The following NRG2 variants were observed in gnomAD, a reference collection of about 807,000 sequenced individuals.
NRG2 encodes the protein neuregulin 2.
In NRG2, 27 loss-of-function variants were observed where a neutral mutation model predicts 73.9. The observed-to-expected ratio is 0.37, with a 90% CI of 0.27 to 0.50. The LOEUF is 0.50. NRG2 is among the 20% of genes least tolerant of loss of function. The pLI is 0.96. For missense variants in NRG2, 1,126 were observed against 1,210.1 expected (o/e 0.93, Z 1.03); for synonymous variants, 532 against 541.0 (o/e 0.98, Z 0.23).
chr5:139,901,214 G>A (rs1764870235), intron 1 of NRG2, among the ~76,000 whole-genome samples: 1 of 152,232 alleles, frequency 6.6e-6, no homozygotes, highest in Non-Finnish European at 1.5e-5. Flanking sequence ...CTGGGACCTG[G>A]GATGAAGACT....
chr5:139,897,046 C>T (rs541872690), intron 1 of NRG2, among the ~76,000 whole-genome samples: 6 of 152,264 alleles, frequency 3.9e-5, no homozygotes, highest in African/African-American at 7.2e-5. Context: ...ACCAAATCAC[C>T]GATTGCTCCC....
chr5:139,874,974 C>G (rs1431294998), intron 3 of NRG2, among the ~76,000 whole-genome samples: 2 of 152,226 alleles, frequency 1.3e-5, no homozygotes, highest in African/African-American at 4.8e-5. Context: ...CTACTTATAG[C>G]TATTCTAGCA....
At chr5:139,986,023 C>T (rs1757149091) in intron 1 of NRG2, among the ~76,000 whole-genome samples, 1 of 152,148 alleles carries the variant, frequency 6.6e-6, no homozygotes, top group Non-Finnish European at 1.5e-5. Context: ...ACAGCAGGGT[C>T]TGGACATAGG....
At chr5:140,000,030 T>C (rs1007117941) in intron 1 of NRG2, among the ~76,000 whole-genome samples, 2 of 152,202 alleles carry the variant, frequency 1.3e-5, no homozygotes, top group African/African-American at 4.8e-5. Flanking sequence ...CTACAATGAA[T>C]GTGTAATACT....
intron 1 of NRG2, among the ~76,000 whole-genome samples, chr5:139,979,954 T>A (rs1271514081): frequency 2.0e-4 from 31 of 152,328 alleles, no homozygotes; most frequent in Admixed American, 1.8e-3. Context: ...TAAGAGGCCA[T>A]GTGTGAAAAT....
Position 140,027,939 on chromosome 5 carries a change from C to G in NRG2, c.700+14431G>C, listed in dbSNP as rs149613103. 1.4e-4 allele frequency among the ~76,000 whole-genome samples: 22 copies of G among 152,296 alleles called. No individual in the cohort carries two copies. In the East Asian group the frequency reaches 3.9e-3, roughly 27 times the overall value. ...AACCAGGAGCCACAGGGTAGAACAA[C>G]AAACAGTGAAGAATCATTCCCAGGC... On this transcript the variant is annotated intron_variant, in intron 1 of 9. Coordinates refer to ENST00000361474, the MANE Select transcript of NRG2 (RefSeq NM_004883.3).
At chr5:139,905,683 TGG>T (rs11301435) in intron 1 of NRG2, among the ~76,000 whole-genome samples, 4 of 82,630 alleles carry the variant, frequency 4.8e-5, no homozygotes, top group African/African-American at 1.2e-4. Flanking sequence ...CCAGCTCTGG[TGG>T]GGGGGGGGCA....
intron 1 of NRG2, among the ~76,000 whole-genome samples, chr5:139,969,518 T>G (rs1755820086): frequency 6.6e-6 from 1 of 152,244 alleles, no homozygotes; most frequent in African/African-American, 2.4e-5. Context: ...AGGCAGGATC[T>G]CTAGTTTGGC....
intron 1 of NRG2, among the ~76,000 whole-genome samples, chr5:139,916,136 G>A (rs76178519): frequency 0.066 from 10,083 of 152,252 alleles, 388 homozygotes; most frequent in Middle Eastern, 0.12. Flanking sequence ...TAACAATGGG[G>A]TGTAGCCTGC....
At chr5:140,023,924 A>G (rs921268822) in intron 1 of NRG2, among the ~76,000 whole-genome samples, 6 of 152,214 alleles carry the variant, frequency 3.9e-5, no homozygotes, top group African/African-American at 1.4e-4. Context: ...AAGCAGGCCA[A>G]GTCTTCTATC....
chr5:139,960,180 G>A (rs1472740699), intron 1 of NRG2, among the ~76,000 whole-genome samples: 2 of 152,226 alleles, frequency 1.3e-5, no homozygotes, highest in Non-Finnish European at 2.9e-5. Context: ...GGAGTCTGAT[G>A]TAGGTATGGT....
chr5:139,856,938 G>T lies in NRG2; in HGVS notation c.1190-1160C>A, dbSNP rs1037264995. Among the ~76,000 whole-genome samples the T allele has an allele frequency of 6.6e-6, 1 of 152,100 alleles. No individual in the cohort carries two copies. Among genetic ancestry groups the T allele is most frequent in the Non-Finnish European group, 1.5e-5 (1 of 67,996 alleles). On this transcript the variant is annotated intron_variant, in intron 5 of 9. Coordinates refer to ENST00000361474, the MANE Select transcript of NRG2 (RefSeq NM_004883.3). The surrounding 1 kb of genome is among the most constrained non-coding windows in gnomAD (Gnocchi z 4.2). Reference sequence around the variant, plus strand: ...CCTCCACCCTAGGTCCCCATCTCTTGGCTCTGTGCCCACAGCCCTGGCTCC... The same window carrying T: ...CCTCCACCCTAGGTCCCCATCTCTTTGCTCTGTGCCCACAGCCCTGGCTCC...
chr5:139,897,197 T>C (rs1213523907), intron 1 of NRG2, among the ~76,000 whole-genome samples: 2 of 152,242 alleles, frequency 1.3e-5, no homozygotes, highest in Admixed American at 6.5e-5. Context: ...CTGTGCATTC[T>C]GGCTCTGCCC....
chr5:140,018,407 C>A (rs371031655), intron 1 of NRG2, among the ~76,000 whole-genome samples: 1 of 152,164 alleles, frequency 6.6e-6, no homozygotes, highest in African/African-American at 2.4e-5. Context: ...ACCACTCCTT[C>A]GTATGGTAAC....
chr5:139,916,989 C>A (rs184849163), intron 1 of NRG2, among the ~76,000 whole-genome samples: 128 of 152,276 alleles, frequency 8.4e-4, no homozygotes, highest in African/African-American at 3.0e-3. Context: ...TGAGGAACTG[C>A]CAGATCGTTT....
intron 4 of NRG2, among the ~76,000 whole-genome samples, chr5:139,866,144 C>T (rs1762454110): frequency 6.6e-6 from 1 of 152,174 alleles, no homozygotes; most frequent in Non-Finnish European, 1.5e-5. Flanking sequence ...ATGCTGTTCC[C>T]AGACTGTGTA....
intron 1 of NRG2, among the ~76,000 whole-genome samples, chr5:139,932,338 G>A (rs538759673): frequency 2.0e-5 from 3 of 151,906 alleles, no homozygotes; most frequent in Admixed American, 6.6e-5. Flanking sequence ...CAGGAGGACA[G>A]GAAGATGTTA....
chr5:139,949,239 T>TA (rs1214975464), intron 1 of NRG2, among the ~76,000 whole-genome samples: 5 of 152,098 alleles, frequency 3.3e-5, no homozygotes, highest in Non-Finnish European at 5.9e-5. Context: ...CAACAGCCCT[T>TA]AAAAAATCAA....
rs771525384 is a variant in NRG2 at position 140,033,308 on chromosome 5, C to G, written c.700+9062G>C. ...AGGGACTTTCAGCAACTTCTCCTGA[C>G]AACAGTAAAAATGTAAGATAAGACC... On this transcript the variant is annotated intron_variant, in intron 1 of 9. Coordinates refer to ENST00000361474, the MANE Select transcript of NRG2 (RefSeq NM_004883.3). 3.9e-5 allele frequency among the ~76,000 whole-genome samples: 6 copies of G among 152,174 alleles called. No individual in the cohort carries two copies. The South Asian group carries it at 1.0e-3, about 26-fold the overall frequency.
Sources: allele counts gnomAD v4.1 joint callset (sites outside exome capture counted in the v4.1 genomes callset), GRCh38; gene constraint gnomAD v4.1.1; non-coding constraint Gnocchi (gnomAD v3.1); transcripts MANE v1.5; gene names NCBI Gene and HGNC (gene_info 2026-07-23, HGNC 2026-07-21).